VWA2: variants seen among roughly 807,000 people sequenced by gnomAD.
VWA2 encodes the protein von Willebrand factor A domain containing 2.
VWA2 carries 73 observed loss-of-function variants against 70.4 expected under a neutral mutation model. The ratio of observed to expected loss-of-function variants is 1.04; its 90% CI spans 0.86 to 1.26. The LOEUF (loss-of-function observed/expected upper bound fraction) is 1.26, where lower values mean the gene tolerates loss of function less well. Ranked by LOEUF, VWA2 falls within the 50% of genes most tolerant of loss-of-function variation. VWA2 has a pLI of 0.00. For synonymous variants in VWA2, 407 were observed against 423.3 expected (o/e 0.96, Z 0.47); for missense variants, 1,011 against 998.5 (o/e 1.01, Z -0.17).
chr10:114,259,274 A>G (rs1037716657), intron 4 of VWA2, among the ~76,000 whole-genome samples: 1 of 152,104 alleles, frequency 6.6e-6, no homozygotes. Flanking sequence ...TCAAAGAGTT[A>G]CTTGTATTTC....
At chr10:114,249,199 G>A (rs763196230) in intron 2 of VWA2, among the ~76,000 whole-genome samples, 2 of 152,002 alleles carry the variant, frequency 1.3e-5, no homozygotes, top group Non-Finnish European at 2.9e-5. Flanking sequence ...ACAGGCCCCA[G>A]TGTGTGTTGT....
In VWA2 at chr10:114,278,700, G is replaced by T; in HGVS notation, c.701-19G>T. ...AACCCTGTCTCCTCCGTGGGTGTGG[G>T]TGTGTGTTGTGGACACAGACTGCAG... On this transcript the variant is annotated intron_variant, in intron 7 of 13. Coordinates refer to ENST00000392982, the MANE Select transcript of VWA2 (RefSeq NM_001272046.2). The T allele has an allele frequency of 6.2e-7, 1 of 1,613,748 alleles. No individual in the cohort carries two copies. Among genetic ancestry groups the T allele is most frequent in the Non-Finnish European group, 8.5e-7 (1 of 1,179,904 alleles).
At chr10:114,256,535 A>G (rs2133313085) in intron 4 of VWA2, among the ~76,000 whole-genome samples, 1 of 152,318 alleles carries the variant, frequency 6.6e-6, no homozygotes, top group South Asian at 2.1e-4. Context: ...GACAGGGCAC[A>G]AGGCCAGAGG....
intron 3 of VWA2, among the ~76,000 whole-genome samples, 185 bp from the exon 4 acceptor site, chr10:114,254,730 G>C (rs1467432813): frequency 3.9e-5 from 6 of 152,198 alleles, no homozygotes; most frequent in African/African-American, 1.4e-4. Context: ...GGGCACATTT[G>C]TGAGCAGCAC....
rs1397719934 is a variant in VWA2, at chr10:114,286,150, G to A, written c.1209G>A (p.Val403=). 4 of 1,614,108 alleles carry A rather than the reference G, an allele frequency of 2.5e-6. No individual in the cohort carries two copies. The South Asian group carries it at 4.4e-5, about 18-fold the overall frequency. Residue 403 remains valine, a synonymous_variant, in exon 11 of 14, where the codon GTG becomes GTA. Coordinates refer to ENST00000392982, the MANE Select transcript of VWA2 (RefSeq NM_001272046.2). The part of the protein sequence containing the change: ...VAVPVGEYQD[V]PDLVWSLDGI... ...TGCCTGTGGGGGAGTACCAGGATGT[G>A]CCTGACCTGGTCTGGAGCCTCGATG...
chr10:114,248,666 A>G (rs750250356), intron 1 of VWA2, 38 bp from the exon 2 acceptor site: 2 of 1,581,108 alleles, frequency 1.3e-6, no homozygotes, highest in African/African-American at 2.7e-5. Context: ...CACAGAACTA[A>G]TTGCTGATAC....
rs1178367648 is a variant in VWA2 at position 114,290,239 on chromosome 10, G to A, written c.2123-1G>A. 26 of 1,550,254 alleles carry A rather than the reference G, an allele frequency of 1.7e-5. 1 individual carries two copies. The highest frequency in any genetic ancestry group is 2.0e-5 in the Non-Finnish European group (23 of 1,146,900). The stretch of plus-strand genomic sequence containing the variant: ...GGTGGGTATGGTGTTCTCCATTGTA[G>A]AAGCCAAGCAGCCAGTCAACCTCTG... On this transcript the variant is annotated splice_acceptor_variant, in intron 12 of 13. Transcript: ENST00000392982. LOFTEE classifies it high-confidence loss of function.
chr10:114,256,033 C>T (rs1044390781), intron 4 of VWA2, among the ~76,000 whole-genome samples: 1 of 152,126 alleles, frequency 6.6e-6, no homozygotes, highest in East Asian at 1.9e-4. Flanking sequence ...ATGGTGCAGC[C>T]TCTAGGGGAG....
chr10:114,256,091 C>T (rs985851890), intron 4 of VWA2, among the ~76,000 whole-genome samples: 2 of 152,192 alleles, frequency 1.3e-5, no homozygotes, highest in African/African-American at 4.8e-5. Context: ...CCCTTTAACC[C>T]AGCAATTCTA....
chr10:114,261,668 C>A (rs1191999098), intron 5 of VWA2, among the ~76,000 whole-genome samples: 1 of 152,182 alleles, frequency 6.6e-6, no homozygotes, highest in East Asian at 1.9e-4. Flanking sequence ...GTTCACCACA[C>A]TTCTCTGAGC....
At chr10:114,287,107 A>G (rs746340097) in intron 11 of VWA2, among the ~76,000 whole-genome samples, 1 of 152,116 alleles carries the variant, frequency 6.6e-6, no homozygotes. Context: ...TATGACCCCT[A>G]TTGGAAGGCA....
At chr10:114,284,269 T>C (rs2038568065) in intron 9 of VWA2, among the ~76,000 whole-genome samples, 1 of 152,196 alleles carries the variant, frequency 6.6e-6, no homozygotes, top group African/African-American at 2.4e-5. Flanking sequence ...TTGGGGAGTG[T>C]TTTTTTAGTG....
rs1022961180 is a variant in VWA2 at position 114,278,954 on chromosome 10, C to T, written c.833+103C>T. On this transcript the variant is annotated intron_variant, in intron 8 of 13. Transcript: ENST00000392982. Reference sequence around the variant, plus strand: ...TGGGGCCCTGCCATGGAGATTGTGACAGGGATCGAAGGAGACCTGGGAGGG... The same window carrying T: ...TGGGGCCCTGCCATGGAGATTGTGATAGGGATCGAAGGAGACCTGGGAGGG... The T allele has an allele frequency of 1.2e-5, 18 of 1,539,660 alleles. No individual in the cohort carries two copies. In the African/African-American group the frequency reaches 2.3e-4, roughly 20 times the overall value.
intron 4 of VWA2, among the ~76,000 whole-genome samples, chr10:114,257,532 G>A (rs1009834966): frequency 2.6e-5 from 4 of 152,164 alleles, no homozygotes; most frequent in Non-Finnish European, 4.4e-5. Context: ...AGTGACTGCC[G>A]AGGGTCACAC....
chr10:114,284,015 A>G (rs2038532768), intron 9 of VWA2, among the ~76,000 whole-genome samples: 1 of 152,228 alleles, frequency 6.6e-6, no homozygotes, highest in Admixed American at 6.5e-5. Context: ...TGATCACATG[A>G]AGACCTTGTT....
Position 114,286,272 on chromosome 10 carries a change from G to C in VWA2, c.1331G>C (p.Arg444Pro). The change falls in exon 11 of 14, where the codon CGG becomes CCG. Residue 444 changes from arginine (R) to proline (P), a missense_variant. Coordinates refer to ENST00000392982, the MANE Select transcript of VWA2 (RefSeq NM_001272046.2). ...AGCGCCACCAGGACAGGCCAGGACC[G>C]GCCACGTAGAGTGGTGGTTTTGCTC... Reference protein sequence around the residue: ...FGSATRTGQDRPRRVVVLLTE... With the variant: ...FGSATRTGQDPPRRVVVLLTE... 1 of 1,610,826 alleles carries C rather than the reference G, an allele frequency of 6.2e-7. No individual in the cohort carries two copies. The highest frequency in any genetic ancestry group is 1.7e-5 in the Admixed American group (1 of 59,846).
chr10:114,288,398 A>T (rs1369014070), intron 11 of VWA2, among the ~76,000 whole-genome samples: 1 of 152,210 alleles, frequency 6.6e-6, no homozygotes, highest in Non-Finnish European at 1.5e-5. Flanking sequence ...TCCATACAGC[A>T]TCTAATTAGT....
intron 10 of VWA2, 31 bp from the exon 11 acceptor site, chr10:114,285,908 T>C (rs754707187): frequency 4.5e-6 from 7 of 1,552,964 alleles, no homozygotes; most frequent in South Asian, 2.4e-5. Flanking sequence ...TGACCATGGC[T>C]TGACAGTGGG....
At chr10:114,251,654 G>A (rs2037197913) in intron 2 of VWA2, among the ~76,000 whole-genome samples, 1 of 152,104 alleles carries the variant, frequency 6.6e-6, no homozygotes. Context: ...AGAGGGCTGG[G>A]CGAGGCTCTG....
Sources: gnomAD v4.1 joint callset for allele counts (sites outside exome capture counted in the v4.1 genomes callset) on GRCh38, gnomAD v4.1.1 for gene constraint, MANE v1.5 for transcripts, NCBI Gene and HGNC (gene_info 2026-07-23, HGNC 2026-07-21) for gene names.